NFIB: variants seen among roughly 807,000 people sequenced by gnomAD.
NFIB encodes nuclear factor 1 B-type.
A neutral mutation model predicts 61.5 loss-of-function variants in NFIB; 11 were observed. That is an observed-to-expected ratio of 0.18 (90% confidence interval 0.11 to 0.30). NFIB has a LOEUF of 0.30. Ranked by LOEUF, NFIB falls within the 10% of genes least tolerant of loss-of-function variation. The pLI is 1.00. For synonymous variants in NFIB, 260 were observed against 216.5 expected (o/e 1.20, Z -1.76); for missense variants, 471 against 608.9 (o/e 0.77, Z 2.38).
At chr9:14,308,672 CAGTT>C (rs55857902) in intron 1 of NFIB, among the ~76,000 whole-genome samples, 84,373 of 151,664 alleles carry the variant, frequency 0.56, 25,249 homozygotes, top group South Asian at 0.71. Context: ...GATGAATTAT[CAGTT>C]AGAACTGTGG....
the NFIB span, among the ~76,000 whole-genome samples, chr9:14,500,506 G>A: frequency 6.6e-6 from 1 of 152,096 alleles, no homozygotes; most frequent in Admixed American, 6.5e-5. Context: ...CCATCATGTG[G>A]ATCAGTTCCC....
rs868579822 is a variant in NFIB, at chr9:14,088,478, C to A, written c.1468-152G>T. 1.6e-5 allele frequency: 12 copies of A among 745,042 alleles called. No individual in the cohort carries two copies. The Middle Eastern group carries it at 1.4e-3, about 88-fold the overall frequency. 46.2% of individuals were successfully genotyped at this position (745,042 alleles called of 1,614,324 possible). A position where few individuals can be genotyped will look rare whatever the true frequency, so the allele number is the denominator to read the frequency against. ...TACAGTCTAATATGAGATAAATGTG[C>A]CAAATTATACATGTTACACCTATCT... On this transcript the variant is annotated intron_variant, in intron 10 of 10. Coordinates refer to ENST00000380953, the MANE Select transcript of NFIB (RefSeq NM_001190737.2).
chr9:14,098,362 A>C (rs1003596613), intron 10 of NFIB, among the ~76,000 whole-genome samples: 10 of 152,166 alleles, frequency 6.6e-5, no homozygotes, highest in African/African-American at 2.4e-4. Flanking sequence ...TGAAACAATA[A>C]ATTCAGTTTC....
chr9:14,095,667 C>A (rs1386942181), intron 10 of NFIB, among the ~76,000 whole-genome samples: 1 of 151,728 alleles, frequency 6.6e-6, no homozygotes. Context: ...TTATACAAAG[C>A]AAAAAGAGAT....
chr9:14,387,257 C>T (rs917065414), intron 1 of NFIB, among the ~76,000 whole-genome samples: 4 of 152,146 alleles, frequency 2.6e-5, no homozygotes, highest in African/African-American at 4.8e-5. Context: ...TGGGTTCAGA[C>T]GAGTGTTCTT....
chr9:14,517,282 A>C, the NFIB span, among the ~76,000 whole-genome samples: 5 of 152,180 alleles, frequency 3.3e-5, no homozygotes, highest in Admixed American at 1.3e-4. Context: ...CTGGGGCAGA[A>C]ACTCAATGTG....
At chr9:14,196,731 C>A (rs777890920) in intron 2 of NFIB, among the ~76,000 whole-genome samples, 9 of 151,448 alleles carry the variant, frequency 5.9e-5, no homozygotes, top group Non-Finnish European at 1.3e-4. Flanking sequence ...TCACTCCTAC[C>A]CTCAGAACTA....
At chr9:14,404,109 A>G in the NFIB span, among the ~76,000 whole-genome samples, 1 of 152,192 alleles carries the variant, frequency 6.6e-6, no homozygotes, top group Admixed American at 6.5e-5. Context: ...TATATAATTA[A>G]AAGAATACTT....
chr9:14,210,352 A>C (rs1161605143), intron 2 of NFIB, among the ~76,000 whole-genome samples: 1 of 152,190 alleles, frequency 6.6e-6, no homozygotes, highest in Admixed American at 6.5e-5. Context: ...TCTAGAGATA[A>C]AAGTTCTTTT....
At chr9:14,515,617 C>T in the NFIB span, among the ~76,000 whole-genome samples, 77 of 152,266 alleles carry the variant, frequency 5.1e-4, no homozygotes, top group African/African-American at 1.7e-3. Flanking sequence ...GAGTTTGTGA[C>T]AAGTTCTTGG....
At chr9:14,293,666 G>T (rs1250453980) in intron 2 of NFIB, among the ~76,000 whole-genome samples, 4 of 152,122 alleles carry the variant, frequency 2.6e-5, no homozygotes, top group Non-Finnish European at 4.4e-5. Flanking sequence ...CTTTAAAACG[G>T]AGTCTACTTC....
At chr9:14,170,221 G>A (rs190055174) in intron 3 of NFIB, among the ~76,000 whole-genome samples, 4 of 152,258 alleles carry the variant, frequency 2.6e-5, no homozygotes, top group East Asian at 1.9e-4. Flanking sequence ...CCAGCTTTCC[G>A]TCTGTGAGGC....
intron 1 of NFIB, among the ~76,000 whole-genome samples, chr9:14,331,852 CAT>C (rs1224105963): frequency 6.6e-6 from 1 of 152,160 alleles, no homozygotes; most frequent in Non-Finnish European, 1.5e-5. Flanking sequence ...GTTTCTGAAA[CAT>C]AGTCCTTTCT....
intron 1 of NFIB, among the ~76,000 whole-genome samples, chr9:14,356,350 C>T (rs145928665): frequency 9.5e-4 from 145 of 152,148 alleles, no homozygotes; most frequent in Non-Finnish European, 1.9e-3. Context: ...ATTTTCTTTT[C>T]CCAGGGATGG....
chr9:14,403,230 G>T (rs1429946343), upstream of NFIB, among the ~76,000 whole-genome samples: 1 of 152,088 alleles, frequency 6.6e-6, no homozygotes, highest in Non-Finnish European at 1.5e-5. Context: ...ATGTAAAAGG[G>T]GTCTGATTCC....
chr9:14,329,089 T>TC (rs1405698104), intron 1 of NFIB, among the ~76,000 whole-genome samples: 2 of 152,326 alleles, frequency 1.3e-5, no homozygotes, highest in Non-Finnish European at 2.9e-5. Context: ...TGGCCTGCTT[T>TC]CCTCACTTAG....
chr9:14,103,410 G>A (rs1265601910), intron 10 of NFIB, among the ~76,000 whole-genome samples: 2 of 151,946 alleles, frequency 1.3e-5, no homozygotes, highest in African/African-American at 2.4e-5. Flanking sequence ...TAAATTAACA[G>A]CATCTTACAT....
At chr9:14,401,195 A>G (rs928198814), upstream of NFIB, among the ~76,000 whole-genome samples, 1 of 152,244 alleles carries the variant, frequency 6.6e-6, no homozygotes, top group Admixed American at 6.5e-5. Flanking sequence ...CTACCCATTG[A>G]CAACCTCAAT....
rs532005888 is a variant in NFIB at position 14,088,087 on chromosome 9, T to C, written c.*222A>G. On this transcript the variant is annotated 3_prime_UTR_variant, in exon 11 of 11. Coordinates refer to ENST00000380953, the MANE Select transcript of NFIB (RefSeq NM_001190737.2). The stretch of plus-strand genomic sequence containing the variant: ...AATTGCTGGTCTATTATCTTCTTTC[T>C]TCAGTTTCTTTCCTTTCTGCCTTTG... 4.9e-6 allele frequency: 5 copies of C among 1,012,220 alleles called. No homozygotes were observed. The East Asian group carries it at 1.5e-4, about 30-fold the overall frequency. 62.7% of individuals were successfully genotyped at this position (1,012,220 alleles called of 1,614,324 possible).
Sources: allele counts gnomAD v4.1 joint callset (sites outside exome capture counted in the v4.1 genomes callset), GRCh38; gene constraint gnomAD v4.1.1; transcripts MANE v1.5; gene names NCBI Gene and HGNC (gene_info 2026-07-23, HGNC 2026-07-21).